PRPF8: variants seen among roughly 807,000 people sequenced by gnomAD.
The protein encoded by PRPF8 is pre-mRNA processing factor 8, also known as pre-mRNA-processing-splicing factor 8.
A neutral mutation model predicts 285.9 loss-of-function variants in PRPF8; 64 were observed. That is an observed-to-expected ratio of 0.22 (90% CI 0.18 to 0.28). The LOEUF (loss-of-function observed/expected upper bound fraction) is 0.28. Ranked by LOEUF, PRPF8 falls within the 10% of genes least tolerant of loss-of-function variation. The pLI, the probability that PRPF8 is intolerant of heterozygous loss-of-function variation, is 1.00. For synonymous variants in PRPF8, 1,325 were observed against 1,118.2 expected (o/e 1.18, Z -3.69); for missense variants, 1,426 against 3,026.7 (o/e 0.47, Z 12.41).
rs1473919057 is a variant in PRPF8, at chr17:1,650,711, G to A, written c.*91C>T. 1 of 1,480,724 alleles carries A rather than the reference G, an allele frequency of 6.8e-7. No individual in the cohort carries two copies. The highest frequency in any genetic ancestry group is 9.4e-7 in the Non-Finnish European group (1 of 1,061,044). The allele number at this position is 1,480,724 out of a possible 1,614,324, so 91.7% of individuals were successfully genotyped here. Reference sequence around the variant, plus strand: ...GTCAACAACACAAGCACAGACAGAGGGAAAGAGGCCAAACTGCTGAATGTC... The same window carrying A: ...GTCAACAACACAAGCACAGACAGAGAGAAAGAGGCCAAACTGCTGAATGTC... On this transcript the variant is annotated 3_prime_UTR_variant, in exon 43 of 43. Transcript: ENST00000304992.
intron 37 of PRPF8, 61 bp downstream of exon 37, chr17:1,655,289 C>CA (rs1911305386): frequency 1.1e-5 from 17 of 1,594,830 alleles, no homozygotes; most frequent in Admixed American, 1.7e-5. Flanking sequence ...TAAGTGCTTC[C>CA]AAAAAACCCC....
At position 1,651,018 on chromosome 17, in the gene PRPF8, C is replaced by T; in HGVS notation, c.6854-62G>A. ...TCCTGCCTCATGCAGCCTGCGCCAC[C>T]TCCAAGCCAGCCAGGCCCCAAGTGC... On this transcript the variant is annotated intron_variant, in intron 42 of 42. Transcript: ENST00000304992. The surrounding 1 kb of genome is among the most constrained non-coding windows in gnomAD (Gnocchi z 5.1). The T allele has an allele frequency of 6.2e-7, 1 of 1,614,078 alleles. No individual in the cohort carries two copies. The highest frequency in any genetic ancestry group is 8.5e-7 in the Non-Finnish European group (1 of 1,179,922).
intron 6 of PRPF8, 44 bp from the exon 7 acceptor site, chr17:1,681,098 G>T (rs774968332): frequency 1.1e-5 from 17 of 1,573,468 alleles, no homozygotes; most frequent in Non-Finnish European, 1.3e-5. Context: ...TTTTTTTTGA[G>T]ACAGGGTCTC....
rs1364901254 is a variant in PRPF8, at chr17:1,683,622, G to A, written c.180C>T (p.Asp60=). The change falls in exon 3 of 43, where the codon GAC becomes GAT. Residue 60 remains aspartate, a synonymous_variant. Transcript: ENST00000304992. Reference sequence around the variant, plus strand: ...TCTTCCTGACATGTTCTGGGGGCATGTCTTCCTTCTGGGCATCCACAAACC... The same window carrying A: ...TCTTCCTGACATGTTCTGGGGGCATATCTTCCTTCTGGGCATCCACAAACC... ...KFGFVDAQKE[D]MPPEHVRKII... is the part of the protein sequence containing the mutation. 1 of 1,614,166 alleles carries A rather than the reference G, an allele frequency of 6.2e-7. No homozygotes were observed. The highest frequency in any genetic ancestry group is 8.5e-7 in the Non-Finnish European group (1 of 1,180,016).
At position 1,655,327 on chromosome 17, in the gene PRPF8, G is replaced by GT. The variant is rs1567676426; in HGVS notation, c.5987+22dup. 1.2e-6 allele frequency: 2 copies of GT among 1,612,262 alleles called. 1 individual carries two copies. The highest frequency in any genetic ancestry group is 2.2e-5 in the South Asian group (2 of 91,002). On this transcript the variant is annotated intron_variant, in intron 37 of 42. Transcript: ENST00000304992. ...AAAACCGTATATAGACCTCCTGTCTGTGTCCCCACCAGCACTGCTCACTTG... is the reference window on the plus strand; with the variant it reads ...AAAACCGTATATAGACCTCCTGTCTGTTGTCCCCACCAGCACTGCTCACTTG...
At chr17:1,665,159 C>CA (rs562789942) in intron 24 of PRPF8, among the ~76,000 whole-genome samples, 1,049 of 52,554 alleles carry the variant, frequency 0.02, 20 homozygotes, top group Non-Finnish European at 0.028. Flanking sequence ...GACTCTGCCT[C>CA]AAAAAAAAAA....
intron 2 of PRPF8, 30 bp from the exon 3 acceptor site, chr17:1,683,731 C>A (rs371432849): frequency 3.7e-6 from 6 of 1,612,474 alleles, no homozygotes; most frequent in African/African-American, 2.7e-5. Context: ...TAAAGGCCTG[C>A]ACACCCTCCC....
rs1487240808 is a variant in PRPF8, at chr17:1,679,405, C to T, written c.1295G>A (p.Arg432Gln). 8.7e-6 allele frequency: 14 copies of T among 1,612,464 alleles called. No individual in the cohort carries two copies. The highest frequency in any genetic ancestry group is 2.2e-5 in the East Asian group (1 of 44,886). The change falls in exon 10 of 43, where the codon CGG becomes CAG. Residue 432 changes from arginine (R) to glutamine (Q), a missense_variant. By Grantham distance (43) the Arg-to-Gln change is conservative. Transcript: ENST00000304992. This position sits in a 1 kb window ranked among gnomAD's most constrained non-coding sequence, Gnocchi z 4.7. Reference protein sequence around the residue: ...LDIPLVKNWYREHCPAGQPVK... With the variant: ...LDIPLVKNWYQEHCPAGQPVK... ...AGGCTGCCCGGCAGGACAATGCTCC[C>T]GATACCTGGAAAAATAAGCCCACCA...
rs33965342 is a variant in PRPF8 at position 1,675,645 on chromosome 17, C to T, written c.2847G>A (p.Pro949=). 344,938 of 1,613,812 alleles carry T rather than the reference C, an allele frequency of 0.21. 42,254 individuals are homozygous for T. Among genetic ancestry groups the T allele is most frequent in the African/African-American group, 0.53 (39,637 of 74,896 alleles). ...CTTGACACCACTTGTAAACAAGCAG[C>T]GGAGGTGGTTCTGTGTCTGCAGGCT... is the stretch of plus-strand genomic sequence containing the variant. ...WIKPADTEPP[P]LLVYKWCQGI... is the part of the protein sequence containing the mutation. Residue 949 remains proline, a synonymous_variant, in exon 19 of 43, where the codon CCG becomes CCA. Transcript: ENST00000304992. This position sits in a 1 kb window ranked among gnomAD's most constrained non-coding sequence, Gnocchi z 6.0.
At position 1,661,681 on chromosome 17, in the gene PRPF8, C is replaced by T; in HGVS notation, c.4132G>A (p.Glu1378Lys). 1.2e-6 allele frequency: 2 copies of T among 1,614,144 alleles called. No individual in the cohort carries two copies. The highest frequency in any genetic ancestry group is 1.7e-6 in the Non-Finnish European group (2 of 1,180,020). ...CAGACCCGCTGAGAATCAATGAACT[C>T]GCTCTCCCATGGCTGTATGTAGCGG... ...LYRYIQPWESEFIDSQRVWAE... is the reference protein window; with the variant it reads ...LYRYIQPWESKFIDSQRVWAE... Residue 1378 changes from glutamate (E) to lysine (K), a missense_variant, in exon 26 of 43, where the codon GAG becomes AAG. By Grantham distance (56) the Glu-to-Lys change is moderately conservative. Around this residue, in one of 34 missense-constraint regions of PRPF8, gnomAD observed 40 missense variants for 121.6 expected, o/e 0.33. Transcript: ENST00000304992. The surrounding 1 kb of genome is among the most constrained non-coding windows in gnomAD (Gnocchi z 7.3).
At position 1,661,673 on chromosome 17, in the gene PRPF8, A is replaced by G. The variant is rs776489429; in HGVS notation, c.4140T>C (p.Ile1380=). The stretch of plus-strand genomic sequence containing the variant: ...ACTCAGCCCAGACCCGCTGAGAATC[A>G]ATGAACTCGCTCTCCCATGGCTGTA... ...RYIQPWESEF[I]DSQRVWAEYA... is the part of the protein sequence containing the mutation. Residue 1380 remains isoleucine, a synonymous_variant, in exon 26 of 43, where the codon ATT becomes ATC. Coordinates refer to ENST00000304992, the MANE Select transcript of PRPF8 (RefSeq NM_006445.4). The surrounding 1 kb of genome is among the most constrained non-coding windows in gnomAD (Gnocchi z 7.3). 2 of 1,613,946 alleles carry G rather than the reference A, an allele frequency of 1.2e-6. No homozygotes were observed. The highest frequency in any genetic ancestry group is 4.5e-5 in the East Asian group (2 of 44,898).
Position 1,659,133 on chromosome 17 carries a change from C to T in PRPF8, c.5138+224G>A. ...CTCCGCCTCCCGGGTTCAAGTAATT[C>T]TCCCACCTCAACCTTCTGAGTAGCT... On this transcript the variant is annotated intron_variant, in intron 32 of 42. Coordinates refer to ENST00000304992, the MANE Select transcript of PRPF8 (RefSeq NM_006445.4). This position sits in a 1 kb window ranked among gnomAD's most constrained non-coding sequence, Gnocchi z 5.1. 1 of 658,614 alleles carries T rather than the reference C, an allele frequency of 1.5e-6. No homozygotes were observed. The highest frequency in any genetic ancestry group is 2.7e-6 in the Non-Finnish European group (1 of 370,730). The allele number at this position is 658,614 out of a possible 1,614,324, so 40.8% of individuals were successfully genotyped here. A position where few individuals can be genotyped will look rare whatever the true frequency, so the allele number is the denominator to read the frequency against.
Position 1,679,939 on chromosome 17 carries a change from G to A in PRPF8, c.1099-140C>T. On this transcript the variant is annotated intron_variant, in intron 8 of 42. Coordinates refer to ENST00000304992, the MANE Select transcript of PRPF8 (RefSeq NM_006445.4). This position sits in a 1 kb window ranked among gnomAD's most constrained non-coding sequence, Gnocchi z 4.7. ...TGTCTGACAAAAGCAGCCCTGAAGT[G>A]CCAGCACAAAGGAAACCAAGACAGC... 1.0e-6 allele frequency: 1 copy of A among 1,004,604 alleles called. No homozygotes were observed. Among genetic ancestry groups the A allele is most frequent in the Non-Finnish European group, 1.6e-6 (1 of 639,028 alleles). The allele number at this position is 1,004,604 out of a possible 1,614,324, so 62.2% of individuals were successfully genotyped here. A position where few individuals can be genotyped will look rare whatever the true frequency, so the allele number is the denominator to read the frequency against.
At position 1,658,463 on chromosome 17, in the gene PRPF8, G is replaced by C; in HGVS notation, c.5376+63C>G. 2 of 1,613,632 alleles carry C rather than the reference G, an allele frequency of 1.2e-6. No individual in the cohort carries two copies. Among genetic ancestry groups the C allele is most frequent in the Non-Finnish European group, 1.7e-6 (2 of 1,179,564 alleles). ...TCTTCCCAGCATGTGTACACACTTA[G>C]CCCATTACTCTCCCACAGCCATGTA... On this transcript the variant is annotated intron_variant, in intron 33 of 42. Coordinates refer to ENST00000304992, the MANE Select transcript of PRPF8 (RefSeq NM_006445.4). The surrounding 1 kb of genome is among the most constrained non-coding windows in gnomAD (Gnocchi z 4.1).
At chr17:1,668,741 T>C (rs1380585461) in intron 24 of PRPF8, among the ~76,000 whole-genome samples, 2 of 152,040 alleles carry the variant, frequency 1.3e-5, no homozygotes, top group African/African-American at 2.4e-5. Context: ...TATTCCTTAA[T>C]CACCAGTGTA....
In PRPF8 at chr17:1,660,472, C is replaced by T; in HGVS notation, c.4745G>A (p.Trp1582Ter). 6.2e-7 allele frequency: 1 copy of T among 1,614,206 alleles called. No homozygotes were observed. Among genetic ancestry groups the T allele is most frequent in the Non-Finnish European group, 8.5e-7 (1 of 1,180,050 alleles). Residue 1582 changes from tryptophan to a stop codon, truncating the protein, a stop_gained, in exon 30 of 43, where the codon TGG (tryptophan) becomes TAG (stop). Coordinates refer to ENST00000304992, the MANE Select transcript of PRPF8 (RefSeq NM_006445.4). LOFTEE classifies it high-confidence loss of function. ...AACAATGCTCTCATGGATCTTCTGC[C>T]ACAAGTGAGCTCGGAAGATCTGGAT... Reference protein sequence around the residue: ...SLIQIFRAHLWQKIHESIVMD... With the variant: ...SLIQIFRAHL
chr17:1,669,169 C>G (rs529615261), intron 24 of PRPF8, among the ~76,000 whole-genome samples: 1 of 152,110 alleles, frequency 6.6e-6, no homozygotes, highest in Non-Finnish European at 1.5e-5. Flanking sequence ...TGCAGTGGCA[C>G]GATCTTGGCT....
chr17:1,664,339 T>C (rs1034189968), intron 24 of PRPF8, among the ~76,000 whole-genome samples: 2 of 152,164 alleles, frequency 1.3e-5, no homozygotes, highest in Admixed American at 6.6e-5. Flanking sequence ...CAGTAATCGA[T>C]AGAAGTATAC....
chr17:1,676,332 T>C lies in PRPF8; in HGVS notation c.2427A>G (p.Val809=), dbSNP rs1452199955. 2 of 1,614,206 alleles carry C rather than the reference T, an allele frequency of 1.2e-6. No homozygotes were observed. Among genetic ancestry groups the C allele is most frequent in the East Asian group, 2.2e-5 (1 of 44,890 alleles). The change falls in exon 17 of 43, where the codon GTA becomes GTG. Residue 809 remains valine (V), a synonymous_variant. Transcript: ENST00000304992. The surrounding 1 kb of genome is among the most constrained non-coding windows in gnomAD (Gnocchi z 6.3). ...CCAACCAATGCACTGTGGTGGTATATACTGCCACTGCTTCCTCCGCTGTGA... is the reference window on the plus strand; with the variant it reads ...CCAACCAATGCACTGTGGTGGTATACACTGCCACTGCTTCCTCCGCTGTGA... ...PYITAEEAVA[V]YTTTVHWLES...
Sources: gnomAD v4.1 joint callset for allele counts (sites outside exome capture counted in the v4.1 genomes callset) on GRCh38, gnomAD v4.1.1 for gene constraint, gnomAD v4.1.1 regional missense constraint, Gnocchi (gnomAD v3.1) non-coding constraint, MANE v1.5 for transcripts, NCBI Gene and HGNC (gene_info 2026-07-23, HGNC 2026-07-21) for gene names.